The following FHIP1A variants were observed in gnomAD, a reference collection of about 807,000 sequenced individuals.
FHIP1A encodes FHF complex subunit HOOK-interacting protein 1A.
A neutral mutation model predicts 88.6 loss-of-function variants in FHIP1A; 61 were observed. The observed-to-expected ratio is 0.69, with a 90% CI of 0.56 to 0.85. The LOEUF is 0.85. Ranked by LOEUF, FHIP1A falls within the 40% of genes least tolerant of loss-of-function variation. The probability of loss-of-function intolerance (pLI) is 0.00; values close to 1 mark genes in which losing one functional copy is unlikely to be tolerated. For missense variants in FHIP1A, 1,154 were observed against 1,273.5 expected (o/e 0.91, Z 1.43); for synonymous variants, 478 against 496.0 (o/e 0.96, Z 0.48).
chr4:151,521,740 TTCAAGACAGGG>T (rs1731454810), intron 3 of FHIP1A, among the ~76,000 whole-genome samples: 1 of 152,152 alleles, frequency 6.6e-6, no homozygotes, highest in Non-Finnish European at 1.5e-5. Flanking sequence ...TATTTATTTA[TTCAAGACAGGG>T]TCTTGCTCTG....
At chr4:151,659,233 T>G (rs1737363178) in intron 13 of FHIP1A, among the ~76,000 whole-genome samples, 1 of 152,234 alleles carries the variant, frequency 6.6e-6, no homozygotes, top group African/African-American at 2.4e-5. Context: ...TTGAGTTTTT[T>G]TAGATTAACT....
intron 13 of FHIP1A, among the ~76,000 whole-genome samples, chr4:151,658,538 G>A (rs903959335): frequency 6.6e-6 from 1 of 152,210 alleles, no homozygotes; most frequent in African/African-American, 2.4e-5. Context: ...AGTGAGAGCA[G>A]AAGCATAGAA....
chr4:151,551,746 G>C (rs1732741694), intron 3 of FHIP1A, among the ~76,000 whole-genome samples: 1 of 152,142 alleles, frequency 6.6e-6, no homozygotes. Flanking sequence ...AGAAAACCTA[G>C]GCAATACCAT....
chr4:151,429,228 G>A lies in FHIP1A; in HGVS notation c.-356+19763G>A, dbSNP rs548776841. ...GCTGTACACTTCATGAAGGCAGGCA[G>A]TTCGCCTGTTTTTGTTCACCATTGT... On this transcript the variant is annotated intron_variant, in intron 1 of 13. Transcript: ENST00000435205. Among the ~76,000 whole-genome samples, 130 of 152,334 alleles carry A rather than the reference G, an allele frequency of 8.5e-4. No homozygotes were observed. The Middle Eastern group carries it at 0.01, about 12-fold the overall frequency.
At chr4:151,653,844 G>C (rs1026689541) in intron 11 of FHIP1A, among the ~76,000 whole-genome samples, 7 of 152,148 alleles carry the variant, frequency 4.6e-5, no homozygotes, top group Non-Finnish European at 8.8e-5. Context: ...TGGAGGCAGG[G>C]GAACGGGAGA....
intron 7 of FHIP1A, among the ~76,000 whole-genome samples, chr4:151,621,583 G>C (rs1257661846): frequency 6.6e-6 from 1 of 150,696 alleles, no homozygotes; most frequent in Non-Finnish European, 1.5e-5. Flanking sequence ...GGGAGGAGTT[G>C]GGGGGGTTGC....
At position 151,586,717 on chromosome 4, in the gene FHIP1A, GCCTTCTGAAAGAT is replaced by G; in HGVS notation, c.810_822del (p.Cys270TrpfsTer13). ...GAAGAGAAAGGCGAGGAATGGCACTGCCTTCTGAAAGATGACTGGCTTCTACTTCCTTCTCTTG... is the reference window on the plus strand; with the variant it reads ...GAAGAGAAAGGCGAGGAATGGCACTGGACTGGCTTCTACTTCCTTCTCTTG... On this transcript the variant is annotated frameshift_variant, in exon 6 of 14. Coordinates refer to ENST00000435205, the MANE Select transcript of FHIP1A (RefSeq NM_001109977.3). LOFTEE classifies it high-confidence loss of function. 1 of 1,551,392 alleles carries G rather than the reference GCCTTCTGAAAGAT, an allele frequency of 6.4e-7. No individual in the cohort carries two copies. Among genetic ancestry groups the G allele is most frequent in the South Asian group, 1.2e-5 (1 of 84,028 alleles).
At chr4:151,582,269 G>A (rs1734053598) in intron 5 of FHIP1A, among the ~76,000 whole-genome samples, 1 of 151,950 alleles carries the variant, frequency 6.6e-6, no homozygotes, top group African/African-American at 2.4e-5. Flanking sequence ...AAAAATCTTT[G>A]TGTTTGCTAA....
intron 4 of FHIP1A, among the ~76,000 whole-genome samples, chr4:151,573,291 CACAT>C (rs1733663184): frequency 6.6e-6 from 1 of 151,822 alleles, no homozygotes. Flanking sequence ...CACACACACA[CACAT>C]ACACACACAC....
intron 7 of FHIP1A, among the ~76,000 whole-genome samples, chr4:151,598,073 G>A (rs938985452): frequency 6.6e-6 from 1 of 151,898 alleles, no homozygotes; most frequent in African/African-American, 2.4e-5. Context: ...GCGCCACTGG[G>A]GTATTAAAAA....
chr4:151,461,703 G>A (rs902393670), intron 2 of FHIP1A, among the ~76,000 whole-genome samples: 4 of 152,208 alleles, frequency 2.6e-5, no homozygotes, highest in South Asian at 4.1e-4. Context: ...GTGGAGCCAC[G>A]GCAGTTATGT....
chr4:151,475,634 A>G (rs1424326253), intron 2 of FHIP1A, among the ~76,000 whole-genome samples: 1 of 152,102 alleles, frequency 6.6e-6, no homozygotes, highest in Non-Finnish European at 1.5e-5. Context: ...GCTGAAGTAG[A>G]GTGAGGGAGG....
intron 7 of FHIP1A, among the ~76,000 whole-genome samples, chr4:151,622,412 A>G (rs919149827): frequency 6.6e-6 from 1 of 152,136 alleles, no homozygotes; most frequent in Non-Finnish European, 1.5e-5. Flanking sequence ...TCTCTGTTTG[A>G]ATTTGAAAGA....
rs146419429 is a variant in FHIP1A, at chr4:151,411,022, A to G, written c.-356+1557A>G. ...TTCAGAGAGTGATTGAGAGTGGTCTAAAAATTTAGGTCCAACTGCCCAGCT... is the reference window on the plus strand; with the variant it reads ...TTCAGAGAGTGATTGAGAGTGGTCTGAAAATTTAGGTCCAACTGCCCAGCT... On this transcript the variant is annotated intron_variant, in intron 1 of 13. Coordinates refer to ENST00000435205, the MANE Select transcript of FHIP1A (RefSeq NM_001109977.3). Among the ~76,000 whole-genome samples, 19 of 152,350 alleles carry G rather than the reference A, an allele frequency of 1.2e-4. No individual in the cohort carries two copies. The East Asian group carries it at 3.7e-3, about 29-fold the overall frequency.
At chr4:151,543,818 A>G (rs115672574) in intron 3 of FHIP1A, among the ~76,000 whole-genome samples, 1,920 of 152,352 alleles carry the variant, frequency 0.013, 40 homozygotes, top group African/African-American at 0.044. Flanking sequence ...TTATAACTAG[A>G]AACATTTCTA....
chr4:151,447,081 G>T (rs1728635940), intron 1 of FHIP1A, among the ~76,000 whole-genome samples: 1 of 152,154 alleles, frequency 6.6e-6, no homozygotes, highest in South Asian at 2.1e-4. Flanking sequence ...TTTCTGTTAA[G>T]TGGTGATATT....
chr4:151,637,290 A>G (rs1435482875), intron 8 of FHIP1A, among the ~76,000 whole-genome samples: 1 of 152,192 alleles, frequency 6.6e-6, no homozygotes, highest in African/African-American at 2.4e-5. Context: ...CATGAACAAC[A>G]ACAAATGAAA....
At chr4:151,420,297 A>G (rs1187892496) in intron 1 of FHIP1A, among the ~76,000 whole-genome samples, 1 of 42,684 alleles carries the variant, frequency 2.3e-5, no homozygotes, top group Admixed American at 2.0e-4. Flanking sequence ...CTGGTGTGAG[A>G]TGATATCTCA....
intron 5 of FHIP1A, among the ~76,000 whole-genome samples, chr4:151,585,203 C>A (rs539219698): frequency 5.6e-4 from 85 of 151,996 alleles, no homozygotes; most frequent in Non-Finnish European, 1.1e-3. Context: ...TTTCGAGGCA[C>A]TCCAGCTCTG....
Sources: gnomAD v4.1 joint callset for allele counts (sites outside exome capture counted in the v4.1 genomes callset) on GRCh38, gnomAD v4.1.1 for gene constraint, MANE v1.5 for transcripts, NCBI Gene and HGNC (gene_info 2026-07-23, HGNC 2026-07-21) for gene names.